The following SDC2 variants were observed in gnomAD, a reference collection of about 807,000 sequenced individuals.
SDC2 encodes syndecan-2.
Under a neutral mutation model 22.2 loss-of-function variants are expected in SDC2, and 13 were observed. The ratio of observed to expected loss-of-function variants is 0.59; its 90% CI spans 0.38 to 0.93. SDC2 has a LOEUF of 0.93. Ranked by LOEUF, SDC2 falls within the 40% of genes least tolerant of loss-of-function variation. The pLI, the probability that SDC2 is intolerant of heterozygous loss-of-function variation, is 0.00. For missense variants in SDC2, 235 were observed against 246.8 expected (o/e 0.95, Z 0.32); for synonymous variants, 94 against 92.8 (o/e 1.01, Z -0.07).
chr8:96,504,687 T>C (rs1422062511), intron 1 of SDC2, among the ~76,000 whole-genome samples: 1 of 152,252 alleles, frequency 6.6e-6, no homozygotes, highest in Non-Finnish European at 1.5e-5. Flanking sequence ...TATATGTTTA[T>C]GTATAAATAT....
At chr8:96,607,660 G>C (rs1815103872) in intron 3 of SDC2, among the ~76,000 whole-genome samples, 1 of 152,122 alleles carries the variant, frequency 6.6e-6, no homozygotes, top group Non-Finnish European at 1.5e-5. Context: ...ATAGATTTCT[G>C]CTTGAGCATT....
chr8:96,572,730 A>C (rs764481383), intron 1 of SDC2, among the ~76,000 whole-genome samples: 4 of 152,214 alleles, frequency 2.6e-5, no homozygotes, highest in Non-Finnish European at 5.9e-5. Flanking sequence ...CTATAGGATC[A>C]CTGTTGGTGT....
In SDC2 at chr8:96,610,837, T is replaced by C. The variant is rs1815163248; in HGVS notation, c.*1289T>C. On this transcript the variant is annotated 3_prime_UTR_variant, in exon 5 of 5. Transcript: ENST00000302190. ...CTGAATTGGCCAGAGGAAATCTGAA[T>C]GTATTATCCTGTGTGTGTCTAGGTA... 6.6e-6 allele frequency: 1 copy of C among 152,652 alleles called. No individual in the cohort carries two copies. The highest frequency in any genetic ancestry group is 2.4e-5 in the African/African-American group (1 of 41,460). 9.5% of individuals were successfully genotyped at this position (152,652 alleles called of 1,614,324 possible). A position where few individuals can be genotyped will look rare whatever the true frequency, so the allele number is the denominator to read the frequency against.
intron 1 of SDC2, among the ~76,000 whole-genome samples, chr8:96,566,331 A>G (rs1814298590): frequency 6.6e-6 from 1 of 152,232 alleles, no homozygotes; most frequent in African/African-American, 2.4e-5. Context: ...ATATTTCTTG[A>G]CTATTTCAGA....
At chr8:96,530,669 A>C (rs1199130051) in intron 1 of SDC2, among the ~76,000 whole-genome samples, 2 of 152,196 alleles carry the variant, frequency 1.3e-5, no homozygotes, top group African/African-American at 4.8e-5. Context: ...ACCTGCTAAA[A>C]TATAAGTTAC....
rs538112223 is a variant in SDC2 at position 96,553,298 on chromosome 8, A to G, written c.61-40182A>G. ...GATCTATAAAATATATATTCTAATT[A>G]TGCAGGCTCTATGTGAAAATGCATT... On this transcript the variant is annotated intron_variant, in intron 1 of 4. Transcript: ENST00000302190. Among the ~76,000 whole-genome samples the G allele has an allele frequency of 6.7e-4, 102 of 152,322 alleles. 1 individual carries two copies. The South Asian group carries it at 0.013, about 20-fold the overall frequency.
intron 1 of SDC2, among the ~76,000 whole-genome samples, chr8:96,552,290 C>T (rs920086488): frequency 6.6e-6 from 1 of 152,164 alleles, no homozygotes; most frequent in Non-Finnish European, 1.5e-5. Context: ...TCCAGAGGCC[C>T]TGAGGAACTT....
At position 96,581,366 on chromosome 8, in the gene SDC2, C is replaced by T. The variant is rs562759228; in HGVS notation, c.61-12114C>T. On this transcript the variant is annotated intron_variant, in intron 1 of 4. Coordinates refer to ENST00000302190, the MANE Select transcript of SDC2 (RefSeq NM_002998.4). ...TATGAGGGCTGGGCATGGTGGCTCACGCCTGTAATCCCAGCACTTTGAGAG... is the reference window on the plus strand; with the variant it reads ...TATGAGGGCTGGGCATGGTGGCTCATGCCTGTAATCCCAGCACTTTGAGAG... Among the ~76,000 whole-genome samples, 295 of 152,280 alleles carry T rather than the reference C, an allele frequency of 1.9e-3. 1 individual carries two copies. Among genetic ancestry groups the T allele is most frequent in the Admixed American group, 4.6e-3 (70 of 15,304 alleles).
intron 1 of SDC2, among the ~76,000 whole-genome samples, chr8:96,524,371 T>C (rs939399604): frequency 3.3e-5 from 5 of 152,236 alleles, no homozygotes; most frequent in African/African-American, 1.2e-4. Flanking sequence ...GCAGCTCCGA[T>C]CAGCTTGGCT....
intron 2 of SDC2, among the ~76,000 whole-genome samples, chr8:96,601,851 C>T (rs1280479407): frequency 2.0e-5 from 3 of 151,646 alleles, no homozygotes; most frequent in Non-Finnish European, 1.5e-5. Context: ...CCTCCACCTC[C>T]AGGTTCAAGT....
chr8:96,600,113 C>T (rs912955785), intron 2 of SDC2, among the ~76,000 whole-genome samples: 6 of 152,058 alleles, frequency 3.9e-5, no homozygotes, highest in Admixed American at 3.9e-4. Context: ...GAGCCATGAT[C>T]GCACCCCTGC....
At chr8:96,605,735 C>A (rs980027566) in intron 3 of SDC2, among the ~76,000 whole-genome samples, 6 of 152,296 alleles carry the variant, frequency 3.9e-5, no homozygotes, top group African/African-American at 1.4e-4. Flanking sequence ...TTATTACATA[C>A]CACCTTCAGT....
intron 1 of SDC2, among the ~76,000 whole-genome samples, chr8:96,554,793 G>A (rs1814082932): frequency 6.6e-6 from 1 of 152,228 alleles, no homozygotes. Context: ...TAACTGACTA[G>A]GGCTGCAGGT....
intron 1 of SDC2, among the ~76,000 whole-genome samples, chr8:96,549,361 C>T (rs1315956849): frequency 6.6e-6 from 1 of 152,080 alleles, no homozygotes; most frequent in African/African-American, 2.4e-5. Flanking sequence ...CTTGGAGGCT[C>T]TGATGTGAAG....
At chr8:96,530,327 C>T (rs1813640409) in intron 1 of SDC2, among the ~76,000 whole-genome samples, 1 of 152,254 alleles carries the variant, frequency 6.6e-6, no homozygotes, top group African/African-American at 2.4e-5. Context: ...TATACCACCA[C>T]CTTGTTAGTA....
At chr8:96,596,120 G>A (rs960528822) in intron 2 of SDC2, among the ~76,000 whole-genome samples, 1 of 152,142 alleles carries the variant, frequency 6.6e-6, no homozygotes, top group Non-Finnish European at 1.5e-5. Context: ...TGATTCCCAC[G>A]AGAAAACCTG....
intron 1 of SDC2, among the ~76,000 whole-genome samples, chr8:96,524,763 G>C (rs1489995329): frequency 1.3e-5 from 2 of 152,156 alleles, no homozygotes; most frequent in Non-Finnish European, 2.9e-5. Context: ...ACAAGTCAGA[G>C]CACTGCTGTG....
At chr8:96,579,058 GT>G (rs982201904) in intron 1 of SDC2, among the ~76,000 whole-genome samples, 6 of 152,186 alleles carry the variant, frequency 3.9e-5, no homozygotes, top group African/African-American at 1.2e-4. Context: ...TAGCAGTTAA[GT>G]TTTTTTGTGT....
intron 1 of SDC2, among the ~76,000 whole-genome samples, chr8:96,494,778 C>T (rs1813023602): frequency 6.6e-6 from 1 of 152,134 alleles, no homozygotes; most frequent in African/African-American, 2.4e-5. Context: ...CGCACACCAT[C>T]CCCCCCGCGC....
Sources: allele counts gnomAD v4.1 joint callset (sites outside exome capture counted in the v4.1 genomes callset), GRCh38; gene constraint gnomAD v4.1.1; transcripts MANE v1.5; gene names NCBI Gene and HGNC (gene_info 2026-07-23, HGNC 2026-07-21).